VSTM5: variants seen among roughly 807,000 people sequenced by gnomAD.
The protein encoded by VSTM5 is V-set and transmembrane domain-containing protein 5.
Under a neutral mutation model 20.3 loss-of-function variants are expected in VSTM5, and 21 were observed. The ratio of observed to expected loss-of-function variants is 1.03; its 90% CI spans 0.73 to 1.49. The LOEUF is 1.49. VSTM5 is among the 40% of genes most tolerant of loss of function. VSTM5 has a pLI of 0.00. For synonymous variants in VSTM5, 100 were observed against 102.5 expected (o/e 0.98, Z 0.14); for missense variants, 219 against 250.0 (o/e 0.88, Z 0.84).
chr11:93,843,324 A>G (rs548280446), intron 1 of VSTM5, among the ~76,000 whole-genome samples: 1 of 151,920 alleles, frequency 6.6e-6, no homozygotes, highest in Admixed American at 6.6e-5. Flanking sequence ...CTCTGTTGTA[A>G]TTCCTCTTGA....
At chr11:93,830,197 T>C (rs1565300775) in intron 1 of VSTM5, among the ~76,000 whole-genome samples, 1 of 152,146 alleles carries the variant, frequency 6.6e-6, no homozygotes. Context: ...GATGTTCAAA[T>C]AGGGCCATGA....
At chr11:93,825,735 T>A (rs978792336) in intron 1 of VSTM5, among the ~76,000 whole-genome samples, 4 of 151,668 alleles carry the variant, frequency 2.6e-5, no homozygotes, top group Admixed American at 6.5e-5. Flanking sequence ...ACAGGTTTTT[T>A]TTTTCTTCCT....
At chr11:93,825,505 T>G (rs972018634) in intron 1 of VSTM5, among the ~76,000 whole-genome samples, 7 of 152,198 alleles carry the variant, frequency 4.6e-5, no homozygotes, top group South Asian at 2.1e-4. Context: ...GCTATTGAAA[T>G]TGTGATACAG....
At chr11:93,842,751 T>A (rs1204565393) in intron 1 of VSTM5, among the ~76,000 whole-genome samples, 1 of 152,170 alleles carries the variant, frequency 6.6e-6, no homozygotes, top group East Asian at 1.9e-4. Context: ...ACAATTCTTT[T>A]GAGGGGATGT....
intron 1 of VSTM5, among the ~76,000 whole-genome samples, chr11:93,834,434 T>A (rs967270892): frequency 6.6e-6 from 1 of 152,120 alleles, no homozygotes; most frequent in Non-Finnish European, 1.5e-5. Context: ...TGAGGGCTCA[T>A]CCTCTTTGCT....
chr11:93,826,131 T>G (rs979292669), intron 1 of VSTM5, among the ~76,000 whole-genome samples: 3 of 151,904 alleles, frequency 2.0e-5, no homozygotes, highest in African/African-American at 7.2e-5. Flanking sequence ...TTCTAGCTAC[T>G]TGGAAGGCTG....
intron 1 of VSTM5, among the ~76,000 whole-genome samples, chr11:93,826,589 C>T (rs1157388292): frequency 3.3e-5 from 5 of 151,772 alleles, no homozygotes; most frequent in Non-Finnish European, 7.4e-5. Flanking sequence ...TTAGTAGAGA[C>T]GGGGTTTCAC....
intron 1 of VSTM5, among the ~76,000 whole-genome samples, chr11:93,832,417 G>A (rs1353486666): frequency 6.6e-6 from 1 of 152,300 alleles, no homozygotes; most frequent in East Asian, 1.9e-4. Flanking sequence ...ACATCTCTAA[G>A]TTATTCTAAA....
At chr11:93,829,811 T>C (rs888114628) in intron 1 of VSTM5, among the ~76,000 whole-genome samples, 2 of 152,170 alleles carry the variant, frequency 1.3e-5, no homozygotes, top group Admixed American at 1.3e-4. Flanking sequence ...GGGGACAGGC[T>C]CATCGGGTGC....
chr11:93,839,333 C>T (rs1377956240), intron 1 of VSTM5, among the ~76,000 whole-genome samples: 5 of 152,132 alleles, frequency 3.3e-5, no homozygotes, highest in African/African-American at 7.2e-5. Flanking sequence ...GAGCTGCTGC[C>T]GTGGACACAT....
intron 1 of VSTM5, among the ~76,000 whole-genome samples, chr11:93,825,974 C>A (rs963104477): frequency 6.6e-6 from 1 of 151,288 alleles, no homozygotes; most frequent in Admixed American, 6.6e-5. Context: ...CAGTGGCTCA[C>A]GTCTGTAATC....
At chr11:93,835,986 A>G (rs2135735727) in intron 1 of VSTM5, among the ~76,000 whole-genome samples, 1 of 152,354 alleles carries the variant, frequency 6.6e-6, no homozygotes, top group Middle Eastern at 3.4e-3. Context: ...CAATAAATGT[A>G]TAATCCCATC....
chr11:93,836,162 G>T (rs1021593147), intron 1 of VSTM5, among the ~76,000 whole-genome samples: 6 of 152,100 alleles, frequency 3.9e-5, no homozygotes, highest in African/African-American at 1.4e-4. Flanking sequence ...AATCTGATTT[G>T]TGTGCTCTTT....
Position 93,820,607 on chromosome 11 carries a change from T to C in VSTM5, c.565A>G (p.Thr189Ala). The C allele has an allele frequency of 6.4e-6, 10 of 1,551,856 alleles. No homozygotes were observed. The highest frequency in any genetic ancestry group is 8.7e-6 in the Non-Finnish European group (10 of 1,147,022). ...RKRRHKLKESTTEEIELEDVE... is the reference protein window; with the variant it reads ...RKRRHKLKESATEEIELEDVE... The stretch of plus-strand genomic sequence containing the variant: ...TCTTCCAGCTCAATCTCCTCAGTTG[T>C]GCTTTCTGTAAAGCAAAGACAAGTC... The change falls in exon 4 of 4, where the codon ACA (threonine) becomes GCA (alanine). Residue 189 changes from threonine (T) to alanine (A), a missense_variant. Thr to Ala is a moderately conservative substitution (Grantham distance 58, BLOSUM62 0). Transcript: ENST00000409977.
intron 1 of VSTM5, among the ~76,000 whole-genome samples, chr11:93,839,135 C>T (rs1404791730): frequency 6.6e-6 from 1 of 152,232 alleles, no homozygotes; most frequent in Admixed American, 6.5e-5. Flanking sequence ...TGAACTGGGC[C>T]AATCAGATTC....
rs889325199 is a variant in VSTM5, at chr11:93,821,190, C to T, written c.225G>A (p.Thr75=). ...CTGGTTTCCACTCCACGATCTTCTGCGTTCCCCAATTGGATGAATATGTCC... is the reference window on the plus strand; with the variant it reads ...CTGGTTTCCACTCCACGATCTTCTGTGTTCCCCAATTGGATGAATATGTCC... ...IEWTYSSNWG[T]QKIVEWKPGT... is the part of the protein sequence containing the mutation. The change falls in exon 2 of 4, where the codon ACG becomes ACA. Residue 75 remains threonine, a synonymous_variant. Transcript: ENST00000409977. 20 of 1,552,058 alleles carry T rather than the reference C, an allele frequency of 1.3e-5. No homozygotes were observed. Among genetic ancestry groups the T allele is most frequent in the Admixed American group, 9.8e-5 (5 of 50,988 alleles).
chr11:93,824,339 C>A (rs1426698380), intron 1 of VSTM5, among the ~76,000 whole-genome samples: 1 of 152,100 alleles, frequency 6.6e-6, no homozygotes, highest in African/African-American at 2.4e-5. Context: ...GTCACCTTGT[C>A]TTTTTGATAA....
chr11:93,823,756 T>C (rs1818111931), intron 1 of VSTM5, among the ~76,000 whole-genome samples: 1 of 152,200 alleles, frequency 6.6e-6, no homozygotes, highest in African/African-American at 2.4e-5. Context: ...CATATATATA[T>C]TTATTTATGT....
intron 1 of VSTM5, among the ~76,000 whole-genome samples, chr11:93,847,438 C>T (rs919533832): frequency 2.0e-5 from 3 of 152,208 alleles, no homozygotes; most frequent in Non-Finnish European, 4.4e-5. Flanking sequence ...TGGGTCTGTC[C>T]ACTCCCTCCT....
Sources: gnomAD v4.1 joint callset for allele counts (sites outside exome capture counted in the v4.1 genomes callset) on GRCh38, gnomAD v4.1.1 for gene constraint, MANE v1.5 for transcripts, NCBI Gene and HGNC (gene_info 2026-07-23, HGNC 2026-07-21) for gene names.